Variants in OTUD5 observed in about 807,000 individuals in gnomAD.
OTUD5 encodes OTU deubiquitinase 5, also known as OTU domain-containing protein 5.
In OTUD5, 2 loss-of-function variants were observed where a neutral mutation model predicts 36.3. That is an observed-to-expected ratio of 0.06 (90% CI 0.02 to 0.17). The LOEUF is 0.17. OTUD5 is among the 10% of genes least tolerant of loss of function. The probability of loss-of-function intolerance (pLI) is 1.00; values close to 1 mark genes in which losing one functional copy is unlikely to be tolerated. For missense variants in OTUD5, 233 were observed against 512.3 expected, an observed-to-expected ratio of 0.45 and a Z score of 5.26; for synonymous variants, 234 against 214.9, an observed-to-expected ratio of 1.09 and a Z score of -0.78.
At chrX:48,955,955 C>T (rs995910194) in intron 1 of OTUD5, among the ~76,000 whole-genome samples, 43 of 111,142 alleles carry the variant, frequency 3.9e-4, no homozygotes, top group Non-Finnish European at 7.0e-4. Context: ...GCCTCAGACT[C>T]GGTCTCTAAA....
In OTUD5 at chrX:48,922,418, G is replaced by C; in HGVS notation, c.*756C>G. On this transcript the variant is annotated 3_prime_UTR_variant, in exon 9 of 9. Transcript: ENST00000376488. The stretch of plus-strand genomic sequence containing the variant: ...GGTGGAAGCAAAAGGAATGCAGCAA[G>C]GTCAGGGTTTCATTGTCCAAGCCGG... 2.4e-6 allele frequency: 1 copy of C among 419,990 alleles called. No homozygotes were observed. Among genetic ancestry groups the C allele is most frequent in the Non-Finnish European group, 3.0e-6 (1 of 333,813 alleles). 34.6% of individuals were successfully genotyped at this position (419,990 alleles called of 1,213,427 possible). A position where few individuals can be genotyped will look rare whatever the true frequency, so the allele number is the denominator to read the frequency against.
chrX:48,947,743 T>C (rs2064057871), intron 1 of OTUD5, among the ~76,000 whole-genome samples: 1 of 109,790 alleles, frequency 9.1e-6, no homozygotes, highest in Non-Finnish European at 1.9e-5. Flanking sequence ...ACACAGTCAT[T>C]AAGGCTAGCA....
intron 5 of OTUD5, 60 bp from the exon 6 acceptor site, chrX:48,926,110 G>GA (rs1480840653): frequency 1.1e-5 from 11 of 979,979 alleles, no homozygotes; most frequent in Non-Finnish European, 1.6e-5. Context: ...CCAAGAGCCA[G>GA]AACAGGCTCA....
chrX:48,922,496 G>T lies in OTUD5; in HGVS notation c.*678C>A. Reference sequence around the variant, plus strand: ...CAGTGCACACCCTAGACCCTGGGCCGGCCTCCATGCAGCTGGAGGCCAGAA... The same window carrying T: ...CAGTGCACACCCTAGACCCTGGGCCTGCCTCCATGCAGCTGGAGGCCAGAA... On this transcript the variant is annotated 3_prime_UTR_variant, in exon 9 of 9. Coordinates refer to ENST00000376488, the MANE Select transcript of OTUD5 (RefSeq NM_001136157.2). 2.5e-5 allele frequency: 19 copies of T among 752,614 alleles called. No homozygotes were observed. Among genetic ancestry groups the T allele is most frequent in the Non-Finnish European group, 3.0e-5 (19 of 637,646 alleles). The allele number at this position is 752,614 out of a possible 1,213,427, so 62.0% of individuals were successfully genotyped here. A position where few individuals can be genotyped will look rare whatever the true frequency, so the allele number is the denominator to read the frequency against.
intron 2 of OTUD5, 96 bp from the exon 3 acceptor site, chrX:48,935,114 C>T (rs942201863): frequency 3.6e-6 from 3 of 843,658 alleles, no homozygotes; most frequent in Middle Eastern, 8.4e-4. Flanking sequence ...ACTGGGGGAC[C>T]AGGGAAATTC....
At chrX:48,929,839 C>G (rs964128561) in intron 5 of OTUD5, among the ~76,000 whole-genome samples, 4 of 111,726 alleles carry the variant, frequency 3.6e-5, no homozygotes, top group African/African-American at 1.3e-4. Flanking sequence ...CGCGGTGGCT[C>G]ACGCCTGTAA....
Position 48,923,000 on chromosome X carries a change from G to A in OTUD5, c.*174C>T. The A allele has an allele frequency of 9.1e-7, 1 of 1,094,374 alleles. No individual in the cohort carries two copies. The highest frequency in any genetic ancestry group is 1.2e-6 in the Non-Finnish European group (1 of 841,174). 90.2% of individuals were successfully genotyped at this position (1,094,374 alleles called of 1,213,427 possible). ...AGAGAGACAGGTGATAGTGGCAGCGGCAATGAGAGAGAGTGCAGGGGTGGG... is the reference window on the plus strand; with the variant it reads ...AGAGAGACAGGTGATAGTGGCAGCGACAATGAGAGAGAGTGCAGGGGTGGG... On this transcript the variant is annotated 3_prime_UTR_variant, in exon 9 of 9. Transcript: ENST00000376488.
intron 5 of OTUD5, among the ~76,000 whole-genome samples, chrX:48,929,150 G>A (rs1482616693): frequency 4.5e-5 from 5 of 111,337 alleles, no homozygotes; most frequent in African/African-American, 1.3e-4. Flanking sequence ...CACTTTGGGA[G>A]GCCAAGGTGG....
In OTUD5 at chrX:48,928,706, T is replaced by C. The variant is rs7062250; in HGVS notation, c.1060-2656A>G. On this transcript the variant is annotated intron_variant, in intron 5 of 8. Transcript: ENST00000376488. The stretch of plus-strand genomic sequence containing the variant: ...AAAGTTAGCCAGGCATGGTGGTGTG[T>C]GCCTGTGGTCCCAGCTACTTGGGAG... Among the ~76,000 whole-genome samples, 849 of 108,763 alleles carry C rather than the reference T, an allele frequency of 7.8e-3. 12 individuals are homozygous for C. Among genetic ancestry groups the C allele is most frequent in the African/African-American group, 0.027 (798 of 29,832 alleles). 94.4% of individuals were successfully genotyped at this position (108,763 alleles called of 115,157 possible).
chrX:48,925,024 A>G (rs1032657566), intron 6 of OTUD5, among the ~76,000 whole-genome samples: 1 of 110,538 alleles, frequency 9.0e-6, no homozygotes, highest in African/African-American at 3.3e-5. Context: ...CACGCCTGTA[A>G]TCCCAGCACT....
chrX:48,935,737 G>C, intron 2 of OTUD5, among the ~76,000 whole-genome samples: 1 of 110,036 alleles, frequency 9.1e-6, no homozygotes, highest in East Asian at 2.9e-4. Flanking sequence ...TCACGAGTTC[G>C]AGACCAGCCT....
intron 1 of OTUD5, among the ~76,000 whole-genome samples, chrX:48,946,252 C>T (rs991439254): frequency 2.7e-5 from 3 of 112,369 alleles, no homozygotes; most frequent in Middle Eastern, 4.2e-3. Flanking sequence ...TGTTATCACT[C>T]TCAGTTTCCT....
chrX:48,957,640 G>C, upstream of OTUD5: 1 of 796,670 alleles, frequency 1.3e-6, no homozygotes, highest in South Asian at 6.1e-5. Flanking sequence ...GGATGAGGGG[G>C]CTAGTGTAGT....
rs375404510 is a variant in OTUD5, at chrX:48,944,296, G to A, written c.595-13C>T. ...ACCAATGCTCCTGCTGGAGGGAAGA[G>A]GTGGGGGTCAGCAACAGGGAAAACC... On this transcript the variant is annotated splice_polypyrimidine_tract_variant and intron_variant, in intron 1 of 8. Coordinates refer to ENST00000376488, the MANE Select transcript of OTUD5 (RefSeq NM_001136157.2). 6 of 1,126,827 alleles carry A rather than the reference G, an allele frequency of 5.3e-6. No homozygotes were observed. The highest frequency in any genetic ancestry group is 4.4e-5 in the Admixed American group (2 of 45,061). 92.9% of individuals were successfully genotyped at this position (1,126,827 alleles called of 1,213,427 possible). A position where few individuals can be genotyped will look rare whatever the true frequency, so the allele number is the denominator to read the frequency against.
At chrX:48,935,221 A>G (rs2063811697) in intron 2 of OTUD5, among the ~76,000 whole-genome samples, 1 of 112,213 alleles carries the variant, frequency 8.9e-6, no homozygotes, top group Admixed American at 9.4e-5. Flanking sequence ...GAAGAACAAG[A>G]GAGTGCAGGT....
At chrX:48,957,662 G>A, upstream of OTUD5, 2 of 788,538 alleles carry the variant, frequency 2.5e-6, no homozygotes, top group African/African-American at 2.3e-5. Flanking sequence ...CGCGAGGCAC[G>A]ACGGGAACGG....
intron 1 of OTUD5, among the ~76,000 whole-genome samples, chrX:48,951,593 G>C (rs1054934172): frequency 7.5e-5 from 8 of 107,327 alleles, no homozygotes; most frequent in South Asian, 4.1e-4. Flanking sequence ...CCAGCCTGGG[G>C]GACAGAGTGA....
intron 6 of OTUD5, among the ~76,000 whole-genome samples, chrX:48,925,006 C>G (rs1458766853): frequency 1.8e-5 from 2 of 110,836 alleles, no homozygotes; most frequent in East Asian, 2.8e-4. Context: ...CAGCCGGGTG[C>G]GGTGGCTCAC....
At chrX:48,940,567 T>TC (rs1240620913) in intron 2 of OTUD5, 1 of 111,686 alleles carries the variant, frequency 9.0e-6, no homozygotes, top group African/African-American at 3.3e-5. Flanking sequence ...CCCTTGCCAC[T>TC]CCCCCATGGC....
Sources: gnomAD v4.1 joint callset for allele counts (sites outside exome capture counted in the v4.1 genomes callset) on GRCh38, gnomAD v4.1.1 for gene constraint, MANE v1.5 for transcripts, NCBI Gene and HGNC (gene_info 2026-07-23, HGNC 2026-07-21) for gene names.